SMYD4: variants seen among roughly 807,000 people sequenced by gnomAD.
The protein encoded by SMYD4 is SET and MYND domain containing 4, also known as protein-lysine N-methyltransferase SMYD4.
SMYD4 carries 68 observed loss-of-function variants against 72.8 expected under a neutral mutation model. That is an observed-to-expected ratio of 0.93 (90% CI 0.77 to 1.14). The LOEUF (loss-of-function observed/expected upper bound fraction) is 1.14, where lower values mean the gene tolerates loss of function less well. Among genes scored for constraint, SMYD4 ranks in the 50% most tolerant of loss-of-function variants. The pLI is 0.00. For synonymous variants in SMYD4, 407 were observed against 388.6 expected (o/e 1.05, Z -0.56); for missense variants, 984 against 1,003.7 (o/e 0.98, Z 0.27).
Position 1,786,898 on chromosome 17 carries a change from C to T in SMYD4, c.1796G>A (p.Cys599Tyr), listed in dbSNP as rs755941493. 4 of 1,614,226 alleles carry T rather than the reference C, an allele frequency of 2.5e-6. No homozygotes were observed. Among genetic ancestry groups the T allele is most frequent in the Non-Finnish European group, 3.4e-6 (4 of 1,180,044 alleles). Residue 599 changes from cysteine (C) to tyrosine (Y), a missense_variant, in exon 7 of 11, where the codon TGT (cysteine) becomes TAT (tyrosine). By Grantham distance (194) the Cys-to-Tyr change is radical. Transcript: ENST00000305513. ...GTGTGCCTCAGTTTGACAAGCTGGA[C>T]AGGCGCAGTCAAAGAAATACTGAGA... The part of the protein sequence containing the change: ...LRSQYFFDCA[C>Y]PACQTEAHRM...
intron 1 of SMYD4, 126 bp from the exon 2 acceptor site, chr17:1,828,132 C>G (rs377041507): frequency 1.2e-6 from 1 of 838,126 alleles, no homozygotes; most frequent in South Asian, 1.7e-5. Context: ...AGGTGGATCA[C>G]GAGGTCAGGA....
chr17:1,792,201 C>A (rs1343013513), intron 5 of SMYD4, among the ~76,000 whole-genome samples: 1 of 151,948 alleles, frequency 6.6e-6, no homozygotes, highest in Non-Finnish European at 1.5e-5. Context: ...CGCAACCACG[C>A]CCGGCTAATT....
intron 2 of SMYD4, among the ~76,000 whole-genome samples, chr17:1,823,650 C>A (rs1911009944): frequency 6.6e-6 from 1 of 152,010 alleles, no homozygotes; most frequent in African/African-American, 2.4e-5. Flanking sequence ...AAGGGTAGAC[C>A]CCATTTCACA....
intron 3 of SMYD4, among the ~76,000 whole-genome samples, chr17:1,808,236 A>G (rs1910144284): frequency 6.6e-6 from 1 of 152,194 alleles, no homozygotes. Context: ...ACATTAGGAG[A>G]TGTGAAATCA....
At chr17:1,804,801 GA>G in intron 3 of SMYD4, 86 bp from the exon 4 acceptor site, 1 of 1,336,958 alleles carries the variant, frequency 7.5e-7, no homozygotes, top group Non-Finnish European at 1.1e-6. Context: ...CTCTAGTACT[GA>G]AGACTGTGTG....
intron 10 of SMYD4, 139 bp from the exon 11 acceptor site, chr17:1,781,578 A>G: frequency 1.1e-6 from 1 of 938,052 alleles, no homozygotes; most frequent in Non-Finnish European, 1.5e-6. Context: ...TAAGTAAGAC[A>G]CTGTCACAAA....
chr17:1,783,224 G>A, intron 9 of SMYD4, 66 bp from the exon 10 acceptor site: 1 of 1,612,998 alleles, frequency 6.2e-7, no homozygotes, highest in African/African-American at 1.3e-5. Flanking sequence ...ATATTTTCAG[G>A]GGGAGGAAAT....
At chr17:1,794,007 G>GTATATA (rs373859746) in intron 5 of SMYD4, among the ~76,000 whole-genome samples, 30 of 81,230 alleles carry the variant, frequency 3.7e-4, no homozygotes, top group African/African-American at 1.6e-3. Flanking sequence ...ATATATATAT[G>GTATATA]TATATATATA....
At chr17:1,794,077 A>ATG (rs1226059890) in intron 5 of SMYD4, among the ~76,000 whole-genome samples, 908 of 43,284 alleles carry the variant, frequency 0.021, 49 homozygotes, top group African/African-American at 0.065. Context: ...GTGTATATAT[A>ATG]TGTGTATATA....
rs768950168 is a variant in SMYD4, at chr17:1,827,961, GAT to G, written c.32_33del (p.Tyr11SerfsTer36). 6.2e-7 allele frequency: 1 copy of G among 1,613,392 alleles called. No homozygotes were observed. Among genetic ancestry groups the G allele is most frequent in the Non-Finnish European group, 8.5e-7 (1 of 1,179,394 alleles). ...GGGAGTGAAGCCCACTTTTGAAGCA[GAT>G]ATGATTTCCATTCATCCACAGGCAG... MDLPVDEWKS[Y>X]LLQKWASLPT... On this transcript the variant is annotated frameshift_variant, in exon 2 of 11. Transcript: ENST00000305513. LOFTEE classifies it high-confidence loss of function.
At chr17:1,822,941 G>C (rs1469709602) in intron 2 of SMYD4, among the ~76,000 whole-genome samples, 1 of 152,170 alleles carries the variant, frequency 6.6e-6, no homozygotes, top group Non-Finnish European at 1.5e-5. Context: ...TAAGGACATA[G>C]AAGAAGCCTT....
At position 1,819,603 on chromosome 17, in the gene SMYD4, C is replaced by T. The variant is rs1394680165; in HGVS notation, c.135-7488G>A. 3.9e-5 allele frequency among the ~76,000 whole-genome samples: 6 copies of T among 152,056 alleles called. No individual in the cohort carries two copies. In the East Asian group the frequency reaches 9.6e-4, roughly 24 times the overall value. On this transcript the variant is annotated intron_variant, in intron 2 of 10. Coordinates refer to ENST00000305513, the MANE Select transcript of SMYD4 (RefSeq NM_052928.3). ...CAGTGATGTTACTTCTAAAGGTTTG[C>T]GCATCTACTGATAATTGCCAGAATC...
intron 7 of SMYD4, chr17:1,784,720 T>C (rs2151218548): frequency 3.5e-6 from 1 of 283,190 alleles, no homozygotes; most frequent in Non-Finnish European, 5.3e-6. Context: ...ACAATTTCTT[T>C]CCACTTCTAT....
intron 2 of SMYD4, among the ~76,000 whole-genome samples, chr17:1,813,205 T>C (rs1241838744): frequency 3.9e-5 from 6 of 151,992 alleles, no homozygotes; most frequent in Admixed American, 3.9e-4. Flanking sequence ...TCCCAAAGTG[T>C]TGGGATTACA....
At chr17:1,796,299 GTT>G (rs35650939) in intron 5 of SMYD4, among the ~76,000 whole-genome samples, 2 of 109,544 alleles carry the variant, frequency 1.8e-5, no homozygotes, top group Admixed American at 1.0e-4. Flanking sequence ...ATGCCTGGCT[GTT>G]TTTTTTTTTT....
chr17:1,784,501 C>T (rs951251197), intron 7 of SMYD4, 40 bp from the exon 8 acceptor site: 7 of 1,611,868 alleles, frequency 4.3e-6, no homozygotes, highest in South Asian at 2.2e-5. Context: ...ATGCCAGGGT[C>T]AGTTATCAAC....
At chr17:1,805,615 C>G (rs1156721192) in intron 3 of SMYD4, among the ~76,000 whole-genome samples, 1 of 151,742 alleles carries the variant, frequency 6.6e-6, no homozygotes, top group Non-Finnish European at 1.5e-5. Flanking sequence ...AGTTTGAGAC[C>G]TGCCTGGCTA....
At chr17:1,809,096 TG>T (rs1484664397) in intron 3 of SMYD4, among the ~76,000 whole-genome samples, 5 of 152,170 alleles carry the variant, frequency 3.3e-5, no homozygotes, top group Admixed American at 2.6e-4. Flanking sequence ...AGGCCTGTCT[TG>T]AACTCCTGGG....
intron 2 of SMYD4, among the ~76,000 whole-genome samples, chr17:1,812,908 C>G (rs1221076821): frequency 6.6e-6 from 1 of 151,152 alleles, no homozygotes; most frequent in Admixed American, 6.6e-5. Context: ...TAATTATTGG[C>G]CAACGAACCA....
Sources: gnomAD v4.1 joint callset for allele counts (sites outside exome capture counted in the v4.1 genomes callset) on GRCh38, gnomAD v4.1.1 for gene constraint, MANE v1.5 for transcripts, NCBI Gene and HGNC (gene_info 2026-07-23, HGNC 2026-07-21) for gene names.